VPS13A: variants seen among roughly 807,000 people sequenced by gnomAD.
The protein encoded by VPS13A is intermembrane lipid transfer protein VPS13A.
A neutral mutation model predicts 390.9 loss-of-function variants in VPS13A; 264 were observed. That is an observed-to-expected ratio of 0.68 (90% confidence interval 0.61 to 0.75). The LOEUF (loss-of-function observed/expected upper bound fraction) is 0.75, where lower values mean the gene tolerates loss of function less well. Ranked by LOEUF, VPS13A falls within the 30% of genes least tolerant of loss-of-function variation. The pLI, the probability that VPS13A is intolerant of heterozygous loss-of-function variation, is 0.00. For synonymous variants in VPS13A, 1,231 were observed against 1,227.1 expected, an observed-to-expected ratio of 1.00 and a Z score of -0.07; for missense variants, 3,409 against 3,733.9, an observed-to-expected ratio of 0.91 and a Z score of 2.27.
chr9:77,213,830 GA>G (rs1482458810), intron 9 of VPS13A, among the ~76,000 whole-genome samples: 2 of 152,052 alleles, frequency 1.3e-5, no homozygotes, highest in South Asian at 4.2e-4. Flanking sequence ...ATAGCTCCTA[GA>G]ACATTCTTTT....
At chr9:77,288,854 C>T (rs538014141) in intron 31 of VPS13A, among the ~76,000 whole-genome samples, 134 of 149,106 alleles carry the variant, frequency 9.0e-4, no homozygotes, top group Non-Finnish European at 1.7e-3. Context: ...TTGCCTGTTT[C>T]TCCTTTCAGT....
chr9:77,404,806 T>C (rs1008470181), intron 69 of VPS13A, among the ~76,000 whole-genome samples: 11 of 152,186 alleles, frequency 7.2e-5, no homozygotes, highest in Admixed American at 6.5e-4. Context: ...AGCTGCTACA[T>C]TGGCCAGCCT....
At chr9:77,408,559 A>AGAT (rs1299544117) in intron 71 of VPS13A, among the ~76,000 whole-genome samples, 2 of 152,240 alleles carry the variant, frequency 1.3e-5, no homozygotes, top group Admixed American at 6.5e-5. Flanking sequence ...AAAGGGTGAC[A>AGAT]GATGGCACCT....
intron 45 of VPS13A, among the ~76,000 whole-genome samples, chr9:77,330,667 C>G (rs989020682): frequency 3.3e-5 from 5 of 151,998 alleles, no homozygotes; most frequent in Non-Finnish European, 5.9e-5. Flanking sequence ...GTGGAATGCT[C>G]TGGATGTTGG....
chr9:77,363,797 T>C (rs1237494361), intron 59 of VPS13A, among the ~76,000 whole-genome samples: 2 of 152,228 alleles, frequency 1.3e-5, no homozygotes, highest in East Asian at 3.8e-4. Context: ...CTGCACTATA[T>C]GTTATAAGTG....
At position 77,417,286 on chromosome 9, in the gene VPS13A, C is replaced by CA. The variant is rs1406174196; in HGVS notation, c.*1282dup. On this transcript the variant is annotated 3_prime_UTR_variant, in exon 72 of 72. Coordinates refer to ENST00000360280, the MANE Select transcript of VPS13A (RefSeq NM_033305.3). ...TTTGGAATTGAAGACTCTGTATAGT[C>CA]AATAGTTGTGAAATTCTTCTCAGGC... 6.6e-6 allele frequency: 1 copy of CA among 152,112 alleles called. No individual in the cohort carries two copies. Among genetic ancestry groups the CA allele is most frequent in the Non-Finnish European group, 1.5e-5 (1 of 68,016 alleles). 9.4% of individuals were successfully genotyped at this position (152,112 alleles called of 1,614,324 possible).
At chr9:77,299,078 G>A (rs879453212) in intron 33 of VPS13A, among the ~76,000 whole-genome samples, 1 of 152,132 alleles carries the variant, frequency 6.6e-6, no homozygotes, top group Non-Finnish European at 1.5e-5. Context: ...TAGATGCGTG[G>A]TGTTATTTCT....
intron 54 of VPS13A, 97 bp from the exon 55 acceptor site, chr9:77,356,617 A>C: frequency 1.5e-6 from 2 of 1,370,112 alleles, no homozygotes; most frequent in Non-Finnish European, 2.0e-6. Flanking sequence ...CTGTTCTGAA[A>C]TTTTAGTGAA....
At chr9:77,290,004 C>T (rs1827554537) in intron 31 of VPS13A, among the ~76,000 whole-genome samples, 1 of 152,086 alleles carries the variant, frequency 6.6e-6, no homozygotes, top group Non-Finnish European at 1.5e-5. Context: ...TGGTCTTGAA[C>T]TCTTTGACCT....
chr9:77,330,197 G>A lies in VPS13A; in HGVS notation c.5992-1813G>A, dbSNP rs183982532. Among the ~76,000 whole-genome samples the A allele has an allele frequency of 4.8e-4, 73 of 152,138 alleles. 3 individuals are homozygous for A. The highest frequency in any genetic ancestry group is 4.4e-5 in the Non-Finnish European group (3 of 67,992). ...TACCTGGCTAATCTTTTAATATTTT[G>A]TAGAGACAGGGTCTCACTATATTGC... On this transcript the variant is annotated intron_variant, in intron 45 of 71. Coordinates refer to ENST00000360280, the MANE Select transcript of VPS13A (RefSeq NM_033305.3).
chr9:77,372,818 A>C (rs1317177831), intron 67 of VPS13A, among the ~76,000 whole-genome samples: 1 of 152,206 alleles, frequency 6.6e-6, no homozygotes, highest in Non-Finnish European at 1.5e-5. Flanking sequence ...TACAAAAATC[A>C]CAAGCATTCT....
chr9:77,369,270 A>G lies in VPS13A; in HGVS notation c.8554-29A>G, dbSNP rs576128064. 3.3e-6 allele frequency: 5 copies of G among 1,495,238 alleles called. No homozygotes were observed. In the South Asian group the frequency reaches 5.7e-5, roughly 17 times the overall value. 92.6% of individuals were successfully genotyped at this position (1,495,238 alleles called of 1,614,324 possible). On this transcript the variant is annotated intron_variant, in intron 62 of 71. Transcript: ENST00000360280. The stretch of plus-strand genomic sequence containing the variant: ...AGAAAAAATAGATCTAATTATCTGA[A>G]TTGATTAATGTTCATATTTTATTTT...
At chr9:77,393,286 A>G (rs1015567916) in intron 68 of VPS13A, among the ~76,000 whole-genome samples, 1 of 152,130 alleles carries the variant, frequency 6.6e-6, no homozygotes, top group African/African-American at 2.4e-5. Flanking sequence ...TCCCCTTGCT[A>G]TTTGCACCAT....
At chr9:77,285,201 A>G (rs1232186933) in intron 31 of VPS13A, among the ~76,000 whole-genome samples, 2 of 152,190 alleles carry the variant, frequency 1.3e-5, no homozygotes, top group Non-Finnish European at 2.9e-5. Flanking sequence ...CCAGAGAGGC[A>G]TAAGGTTTTT....
intron 36 of VPS13A, 51 bp downstream of exon 36, chr9:77,314,170 G>A: frequency 1.3e-6 from 2 of 1,598,710 alleles, no homozygotes; most frequent in South Asian, 2.2e-5. Flanking sequence ...AATTTGCATA[G>A]GTTGATGTTT....
Position 77,230,242 on chromosome 9 carries a change from AG to A in VPS13A, c.1595+1979del, listed in dbSNP as rs1823750865. ...TTCTTTTTATTTTTCTTAATGGTGA[AG>A]TCAAATTTATATTTTTTTTGCTACA... On this transcript the variant is annotated intron_variant, in intron 17 of 71. Coordinates refer to ENST00000360280, the MANE Select transcript of VPS13A (RefSeq NM_033305.3). Among the ~76,000 whole-genome samples the A allele has an allele frequency of 2.0e-5, 3 of 152,078 alleles. No individual in the cohort carries two copies. In the South Asian group the frequency reaches 6.2e-4, roughly 32 times the overall value.
intron 67 of VPS13A, among the ~76,000 whole-genome samples, chr9:77,374,627 C>T (rs2131596980): frequency 6.6e-6 from 1 of 152,318 alleles, no homozygotes; most frequent in Middle Eastern, 3.4e-3. Flanking sequence ...ATAACTGACA[C>T]TGCAGAAAGC....
In VPS13A at chr9:77,227,505, T is replaced by C; in HGVS notation, c.1452+20T>C. ...AAAACAGTAAGATGTTTTCTTGCCT[T>C]ATACCTTAGAATATATTTATTTATT... On this transcript the variant is annotated intron_variant, in intron 16 of 71. Transcript: ENST00000360280. The C allele has an allele frequency of 6.5e-7, 1 of 1,526,844 alleles. No individual in the cohort carries two copies. The highest frequency in any genetic ancestry group is 9.1e-7 in the Non-Finnish European group (1 of 1,102,716). The allele number at this position is 1,526,844 out of a possible 1,614,324, so 94.6% of individuals were successfully genotyped here.
At chr9:77,302,441 C>G (rs773460622) in intron 33 of VPS13A, among the ~76,000 whole-genome samples, 3 of 135,464 alleles carry the variant, frequency 2.2e-5, no homozygotes, top group African/African-American at 5.7e-5. Context: ...GGTGCGATCT[C>G]GGCTCACTGC....
Sources: allele counts gnomAD v4.1 joint callset (sites outside exome capture counted in the v4.1 genomes callset), GRCh38; gene constraint gnomAD v4.1.1; transcripts MANE v1.5; gene names NCBI Gene and HGNC (gene_info 2026-07-23, HGNC 2026-07-21).